The following RBM17 variants were observed in gnomAD, a reference collection of about 807,000 sequenced individuals.
RBM17 encodes the protein splicing factor 45.
Under a neutral mutation model 53.2 loss-of-function variants are expected in RBM17, and 7 were observed. The observed-to-expected ratio is 0.13, with a 90% CI of 0.07 to 0.25. The LOEUF is 0.25. RBM17 is among the 10% of genes least tolerant of loss of function. The pLI, the probability that RBM17 is intolerant of heterozygous loss-of-function variation, is 1.00. For synonymous variants in RBM17, 167 were observed against 178.1 expected (o/e 0.94, Z 0.50); for missense variants, 257 against 496.7 (o/e 0.52, Z 4.59).
rs1162294223 is a variant in RBM17, at chr10:6,108,736, A to G, written c.556A>G (p.Lys186Glu). Residue 186 changes from lysine (K) to glutamate (E), a missense_variant, in exon 6 of 12, where the codon AAA becomes GAA. Around this residue, in one of 6 missense-constraint regions of RBM17, gnomAD observed 68 missense variants for 60.0 expected, o/e 1.13. Coordinates refer to ENST00000379888, the MANE Select transcript of RBM17 (RefSeq NM_032905.5). The stretch of plus-strand genomic sequence containing the variant: ...ACCCACTTCTCTGGTAGAGAAAGAC[A>G]AAGAGTGTAAGTAGATCTGTTTCTT... ...APPTSLVEKD[K>E]ELPRDFPYEE... is the part of the protein sequence containing the mutation. 1 of 1,611,132 alleles carries G rather than the reference A, an allele frequency of 6.2e-7. No homozygotes were observed. The highest frequency in any genetic ancestry group is 2.2e-5 in the East Asian group (1 of 44,850).
intron 3 of RBM17, among the ~76,000 whole-genome samples, chr10:6,103,895 A>G (rs1423768706): frequency 6.6e-6 from 1 of 152,206 alleles, no homozygotes; most frequent in Non-Finnish European, 1.5e-5. Context: ...ACAGTTGGAC[A>G]TTGTACCTCC....
intron 1 of RBM17, among the ~76,000 whole-genome samples, chr10:6,091,997 G>A (rs1840493294): frequency 6.6e-6 from 1 of 152,118 alleles, no homozygotes; most frequent in African/African-American, 2.4e-5. Context: ...ATACTTTCCA[G>A]CTTGGGTGGA....
Position 6,117,200 on chromosome 10 carries a change from C to T in RBM17, c.*1644C>T, listed in dbSNP as rs1338879877. 6.6e-6 allele frequency: 1 copy of T among 152,352 alleles called. No individual in the cohort carries two copies. Among genetic ancestry groups the T allele is most frequent in the African/African-American group, 2.4e-5 (1 of 41,450 alleles). 9.4% of individuals were successfully genotyped at this position (152,352 alleles called of 1,614,324 possible). The stretch of plus-strand genomic sequence containing the variant: ...AGCAACCAGAGAGTTGCAACCAACT[C>T]ATACTACTTGATTTCCGTTCGCATG... On this transcript the variant is annotated 3_prime_UTR_variant, in exon 12 of 12. Transcript: ENST00000379888.
At chr10:6,099,619 AGTT>A (rs1306911867) in intron 2 of RBM17, among the ~76,000 whole-genome samples, 4 of 152,098 alleles carry the variant, frequency 2.6e-5, no homozygotes, top group Non-Finnish European at 5.9e-5. Context: ...CTGTGTAAAA[AGTT>A]GTTATACCGT....
intron 1 of RBM17, among the ~76,000 whole-genome samples, chr10:6,092,862 G>A (rs929977589): frequency 3.3e-5 from 5 of 152,170 alleles, no homozygotes; most frequent in Non-Finnish European, 2.9e-5. Context: ...AGAGAAATGA[G>A]GACCTTTAAA....
At chr10:6,103,982 C>T (rs1371982904) in intron 3 of RBM17, among the ~76,000 whole-genome samples, 1 of 152,124 alleles carries the variant, frequency 6.6e-6, no homozygotes, top group Non-Finnish European at 1.5e-5. Flanking sequence ...AAAATGGGGA[C>T]ACTAATCCTA....
At chr10:6,098,557 T>G (rs199708908) in intron 2 of RBM17, among the ~76,000 whole-genome samples, 2,312 of 33,932 alleles carry the variant, frequency 0.068, 72 homozygotes, top group East Asian at 0.089. Context: ...AATACACAGG[T>G]TTTTTGTTTT....
intron 7 of RBM17, 107 bp downstream of exon 7, chr10:6,110,234 G>T: frequency 1.0e-5 from 10 of 983,096 alleles, no homozygotes; most frequent in Middle Eastern, 2.2e-4. Context: ...CAGGACCCTT[G>T]GTGTGTGCAG....
At chr10:6,114,329 C>T in intron 10 of RBM17, 182 bp downstream of exon 10, 2 of 463,296 alleles carry the variant, frequency 4.3e-6, no homozygotes, top group Non-Finnish European at 7.9e-6. Flanking sequence ...ACAATGATTT[C>T]AAGTTTTATT....
rs1246465657 is a variant in RBM17 at position 6,114,124 on chromosome 10, G to A, written c.1006G>A (p.Val336Ile). Residue 336 changes from valine to isoleucine, a missense_variant, in exon 10 of 12, where the codon GTT (valine) becomes ATT (isoleucine). By Grantham distance (29) the Val-to-Ile change is conservative. Transcript: ENST00000379888. ...TKEECEKYGKVGKCVIFEIPG... is the reference protein window; with the variant it reads ...TKEECEKYGKIGKCVIFEIPG... ...GGAAGAATGTGAAAAATATGGCAAA[G>A]TTGGAAAATGTGTGATATTTGAAGT... The A allele has an allele frequency of 6.2e-7, 1 of 1,609,778 alleles. No individual in the cohort carries two copies.
chr10:6,117,135 T>C lies in RBM17; in HGVS notation c.*1579T>C, dbSNP rs537664793. The C allele has an allele frequency of 6.6e-6, 1 of 152,476 alleles. No individual in the cohort carries two copies. The highest frequency in any genetic ancestry group is 1.9e-4 in the East Asian group (1 of 5,322). The allele number at this position is 152,476 out of a possible 1,614,324, so 9.4% of individuals were successfully genotyped here. On this transcript the variant is annotated 3_prime_UTR_variant, in exon 12 of 12. Transcript: ENST00000379888. ...TTGTTATGCTTTGTAAAACATTGTT[T>C]GCACCTAAATGGGTGGCTTTTCCTA...
chr10:6,114,195 C>T (rs1840880296), intron 10 of RBM17, 48 bp downstream of exon 10: 1 of 1,063,218 alleles, frequency 9.4e-7, no homozygotes, highest in Non-Finnish European at 1.4e-6. Flanking sequence ...GTAATTGGCA[C>T]ATTACAAAAC....
chr10:6,097,629 C>T (rs1326736465), intron 2 of RBM17, among the ~76,000 whole-genome samples: 2 of 152,194 alleles, frequency 1.3e-5, no homozygotes, highest in African/African-American at 4.8e-5. Context: ...CGAGATCGCG[C>T]CACTGCGCTC....
In RBM17 at chr10:6,098,558, TTTTTG is replaced by T. The variant is rs1471943409; in HGVS notation, c.123+1375_123+1379del. On this transcript the variant is annotated intron_variant, in intron 2 of 11. Transcript: ENST00000379888. ...TTGAAAATTTCCGTAATACACAGGT[TTTTTG>T]TTTTTTTTTTTTTTTTTTTTTTTTT... Among the ~76,000 whole-genome samples, 21 of 35,080 alleles carry T rather than the reference TTTTTG, an allele frequency of 6.0e-4. 3 individuals carry two copies. The highest frequency in any genetic ancestry group is 1.9e-3 in the African/African-American group (21 of 11,118). The allele number at this position is 35,080 out of a possible 152,430, so 23.0% of individuals were successfully genotyped here. A position where few individuals can be genotyped will look rare whatever the true frequency, so the allele number is the denominator to read the frequency against.
intron 4 of RBM17, among the ~76,000 whole-genome samples, chr10:6,105,826 A>G (rs561842696): frequency 6.6e-6 from 1 of 152,208 alleles, no homozygotes; most frequent in Non-Finnish European, 1.5e-5. Context: ...GTTATAGACT[A>G]TTGAAATGAT....
chr10:6,098,505 G>A (rs1840612339), intron 2 of RBM17, among the ~76,000 whole-genome samples: 1 of 142,558 alleles, frequency 7.0e-6, no homozygotes, highest in Non-Finnish European at 1.5e-5. Flanking sequence ...AGAGACTTAA[G>A]AATTAATATT....
chr10:6,105,656 A>G (rs1438237826), intron 4 of RBM17, among the ~76,000 whole-genome samples: 2 of 152,254 alleles, frequency 1.3e-5, no homozygotes. Context: ...TGGAATTTTT[A>G]AAAATTCATA....
intron 10 of RBM17, 188 bp downstream of exon 10, chr10:6,114,335 T>G (rs1342637740): frequency 3.1e-5 from 14 of 455,856 alleles, no homozygotes; most frequent in South Asian, 3.0e-4. Context: ...ATTTCAAGTT[T>G]TATTTGATGA....
chr10:6,094,431 G>A (rs1461677652), intron 1 of RBM17, among the ~76,000 whole-genome samples: 3 of 152,174 alleles, frequency 2.0e-5, no homozygotes, highest in South Asian at 2.1e-4. Context: ...ATTTATCTTT[G>A]TGATTTCCCA....
Sources: allele counts gnomAD v4.1 joint callset (sites outside exome capture counted in the v4.1 genomes callset), GRCh38; gene constraint gnomAD v4.1.1; regional missense constraint gnomAD v4.1.1; transcripts MANE v1.5; gene names NCBI Gene and HGNC (gene_info 2026-07-23, HGNC 2026-07-21).